The following NOVA1 variants were observed in gnomAD, a reference collection of about 807,000 sequenced individuals.
The protein encoded by NOVA1 is RNA-binding protein Nova-1.
Under a neutral mutation model 38.0 loss-of-function variants are expected in NOVA1, and 7 were observed. The observed-to-expected ratio is 0.18, with a 90% CI of 0.10 to 0.35. NOVA1 has a LOEUF of 0.35. Ranked by LOEUF, NOVA1 falls within the 10% of genes least tolerant of loss-of-function variation. The pLI is 1.00. For synonymous variants in NOVA1, 270 were observed against 232.5 expected (o/e 1.16, Z -1.47); for missense variants, 460 against 616.0 (o/e 0.75, Z 2.68).
chr14:26,498,644 C>T (rs1191774919), intron 2 of NOVA1, among the ~76,000 whole-genome samples: 1 of 152,026 alleles, frequency 6.6e-6, no homozygotes, highest in Non-Finnish European at 1.5e-5. Context: ...CCTAACTTAC[C>T]TATCACAGAA....
intron 2 of NOVA1, chr14:26,593,183 G>A (rs1893966677): frequency 6.6e-6 from 1 of 151,678 alleles, no homozygotes; most frequent in African/African-American, 2.4e-5. Flanking sequence ...TTGATGATAT[G>A]ATCACAGTTT....
chr14:26,518,367 CCATT>C, intron 2 of NOVA1, among the ~76,000 whole-genome samples: 1 of 151,958 alleles, frequency 6.6e-6, no homozygotes, highest in Non-Finnish European at 1.5e-5. Context: ...AAAAGTATTG[CCATT>C]ATTATTATAA....
At chr14:26,564,392 C>T (rs1045559586) in intron 2 of NOVA1, among the ~76,000 whole-genome samples, 1 of 152,074 alleles carries the variant, frequency 6.6e-6, no homozygotes, top group Non-Finnish European at 1.5e-5. Context: ...ATTATCCCTA[C>T]TTTACACATG....
At chr14:26,452,642 T>C (rs1594317891) in intron 4 of NOVA1, among the ~76,000 whole-genome samples, 2 of 152,204 alleles carry the variant, frequency 1.3e-5, no homozygotes, top group African/African-American at 4.8e-5. Context: ...AAAATACACA[T>C]ATTCTTATTT....
chr14:26,560,304 T>C (rs564694017), intron 2 of NOVA1, among the ~76,000 whole-genome samples: 43 of 152,272 alleles, frequency 2.8e-4, no homozygotes, highest in African/African-American at 1.0e-3. Flanking sequence ...AGTAATTGTA[T>C]AAATTTAGTA....
chr14:26,520,812 A>T (rs1888820466), intron 2 of NOVA1, among the ~76,000 whole-genome samples: 1 of 152,142 alleles, frequency 6.6e-6, no homozygotes. Flanking sequence ...TTCTCATTTT[A>T]AAAATAATTA....
chr14:26,530,734 G>C (rs1889654777), intron 2 of NOVA1, among the ~76,000 whole-genome samples: 1 of 152,052 alleles, frequency 6.6e-6, no homozygotes, highest in Admixed American at 6.6e-5. Context: ...AGTTTCTTAT[G>C]TGTGTGAGGG....
At chr14:26,477,056 T>A (rs1594364360) in intron 3 of NOVA1, among the ~76,000 whole-genome samples, 3 of 152,344 alleles carry the variant, frequency 2.0e-5, no homozygotes, top group Admixed American at 2.0e-4. Flanking sequence ...CATTGTAGTT[T>A]TGGTATATAA....
intron 2 of NOVA1, among the ~76,000 whole-genome samples, chr14:26,540,038 G>C (rs185664360): frequency 6.6e-6 from 1 of 152,242 alleles, no homozygotes; most frequent in East Asian, 1.9e-4. Flanking sequence ...AAGGAAGCTT[G>C]TTTCCCATTT....
chr14:26,489,507 GTAT>G (rs768253997), intron 2 of NOVA1, among the ~76,000 whole-genome samples: 3 of 151,184 alleles, frequency 2.0e-5, no homozygotes, highest in South Asian at 2.1e-4. Context: ...TTATTTAAAA[GTAT>G]TATATTATTA....
chr14:26,545,143 C>T (rs1191318447), intron 2 of NOVA1, among the ~76,000 whole-genome samples: 1 of 151,978 alleles, frequency 6.6e-6, no homozygotes, highest in Non-Finnish European at 1.5e-5. Context: ...GCAAATAAGA[C>T]AGGCTCCACC....
chr14:26,445,279 A>G lies in NOVA1; in HGVS notation c.*2680T>C, dbSNP rs532044661. 3.5e-4 allele frequency: 53 copies of G among 152,330 alleles called. No homozygotes were observed. Among genetic ancestry groups the G allele is most frequent in the African/African-American group, 1.2e-3 (51 of 41,580 alleles). 9.4% of individuals were successfully genotyped at this position (152,330 alleles called of 1,614,324 possible). ...TTTGAAGCCATACTAATTTTCTTGC[A>G]ATAAATTAAAGCATCACATCACAAA... On this transcript the variant is annotated 3_prime_UTR_variant, in exon 5 of 5. Coordinates refer to ENST00000539517, the MANE Select transcript of NOVA1 (RefSeq NM_002515.3).
intron 2 of NOVA1, among the ~76,000 whole-genome samples, chr14:26,512,089 T>C (rs1004382740): frequency 2.0e-5 from 3 of 152,154 alleles, no homozygotes; most frequent in African/African-American, 4.8e-5. Flanking sequence ...AATACTGCTA[T>C]ATAATGTAAA....
intron 4 of NOVA1, among the ~76,000 whole-genome samples, chr14:26,455,725 T>G (rs1400345441): frequency 6.6e-6 from 1 of 151,944 alleles, no homozygotes; most frequent in Non-Finnish European, 1.5e-5. Context: ...CTATGCTTTC[T>G]AGGTGAAGGA....
At chr14:26,595,602 T>G (rs1214796148) in intron 1 of NOVA1, 49 bp from the exon 2 acceptor site, 1 of 1,555,062 alleles carries the variant, frequency 6.4e-7, no homozygotes, top group African/African-American at 1.4e-5. Context: ...TTTCAAACTT[T>G]GTATCCCCTC....
At chr14:26,503,744 C>T (rs1254536975) in intron 2 of NOVA1, among the ~76,000 whole-genome samples, 5 of 152,138 alleles carry the variant, frequency 3.3e-5, no homozygotes, top group African/African-American at 1.2e-4. Flanking sequence ...TAGGGTTCAA[C>T]ATCCAGAGGT....
At chr14:26,551,724 T>C (rs1891171147) in intron 2 of NOVA1, among the ~76,000 whole-genome samples, 1 of 152,010 alleles carries the variant, frequency 6.6e-6, no homozygotes, top group Non-Finnish European at 1.5e-5. Context: ...AAAATCTAAA[T>C]TTGAAGAATC....
chr14:26,578,972 A>G lies in NOVA1; in HGVS notation c.280+16438T>C, dbSNP rs553253377. Among the ~76,000 whole-genome samples, 7 of 150,844 alleles carry G rather than the reference A, an allele frequency of 4.6e-5. No homozygotes were observed. The South Asian group carries it at 1.5e-3, about 32-fold the overall frequency. ...ATCCATTACCATAAAGATGAAGTCTATTTAATCATTCTGGAATTAAATGGT... is the reference window on the plus strand; with the variant it reads ...ATCCATTACCATAAAGATGAAGTCTGTTTAATCATTCTGGAATTAAATGGT... On this transcript the variant is annotated intron_variant, in intron 2 of 4. Transcript: ENST00000539517.
chr14:26,555,760 ATAAG>A (rs1448432277), intron 2 of NOVA1, among the ~76,000 whole-genome samples: 2 of 152,184 alleles, frequency 1.3e-5, no homozygotes, highest in Non-Finnish European at 2.9e-5. Context: ...CTTTTCTAGC[ATAAG>A]TAATATTTAA....
Sources: allele counts gnomAD v4.1 joint callset (sites outside exome capture counted in the v4.1 genomes callset), GRCh38; gene constraint gnomAD v4.1.1; transcripts MANE v1.5; gene names NCBI Gene and HGNC (gene_info 2026-07-23, HGNC 2026-07-21).